Variants in CADM2 observed in about 807,000 individuals in gnomAD.
The protein encoded by CADM2 is immunoglobulin superfamily member 4D.
A neutral mutation model predicts 49.8 loss-of-function variants in CADM2; 12 were observed. That is an observed-to-expected ratio of 0.24 (90% CI 0.15 to 0.39). The LOEUF is 0.39. Ranked by LOEUF, CADM2 falls within the 10% of genes least tolerant of loss-of-function variation. CADM2 has a pLI of 1.00. For synonymous variants in CADM2, 214 were observed against 175.4 expected, an observed-to-expected ratio of 1.22 and a Z score of -1.74; for missense variants, 378 against 492.3, an observed-to-expected ratio of 0.77 and a Z score of 2.20.
At chr3:85,890,507 C>T (rs1247521621) in intron 5 of CADM2, among the ~76,000 whole-genome samples, 6 of 152,014 alleles carry the variant, frequency 3.9e-5, no homozygotes, top group Admixed American at 1.3e-4. Context: ...TTTTACAGAA[C>T]TATGTTTTAG....
chr3:85,517,068 G>A (rs962841629), intron 1 of CADM2, among the ~76,000 whole-genome samples: 2 of 151,342 alleles, frequency 1.3e-5, no homozygotes, highest in South Asian at 2.1e-4. Context: ...CACCACTCTG[G>A]TTATTTTAAG....
At chr3:85,762,625 C>CTCTCTCTGTA (rs2069451074) in intron 2 of CADM2, among the ~76,000 whole-genome samples, 1 of 135,272 alleles carries the variant, frequency 7.4e-6, no homozygotes, top group African/African-American at 3.3e-5. Flanking sequence ...CTCTCTCTGT[C>CTCTCTCTGTA]TCTGTTATTT....
chr3:85,895,385 C>A (rs1030053531), intron 5 of CADM2, among the ~76,000 whole-genome samples: 7 of 152,168 alleles, frequency 4.6e-5, no homozygotes, highest in African/African-American at 1.2e-4. Context: ...GCCAATTTCT[C>A]CCATTTGGAA....
rs969673950 is a variant in CADM2 at position 85,528,084 on chromosome 3, G to T, written c.62-198438G>T. Among the ~76,000 whole-genome samples, 3 of 152,258 alleles carry T rather than the reference G, an allele frequency of 2.0e-5. No homozygotes were observed. The East Asian group carries it at 5.8e-4, about 29-fold the overall frequency. On this transcript the variant is annotated intron_variant, in intron 1 of 9. Coordinates refer to ENST00000383699, the MANE Select transcript of CADM2 (RefSeq NM_001167675.2). ...CTTTTGCCACCATCTCGCAAGCACAGAAATCACCTTTCAAGTTTATACATT... is the reference window on the plus strand; with the variant it reads ...CTTTTGCCACCATCTCGCAAGCACATAAATCACCTTTCAAGTTTATACATT...
chr3:85,890,137 G>A (rs929203666), intron 5 of CADM2, among the ~76,000 whole-genome samples: 1 of 152,004 alleles, frequency 6.6e-6, no homozygotes, highest in Non-Finnish European at 1.5e-5. Flanking sequence ...TTCCAAAAAG[G>A]GTTTGGAGGA....
chr3:85,946,250 C>T (rs772043011), intron 7 of CADM2, among the ~76,000 whole-genome samples: 1 of 151,480 alleles, frequency 6.6e-6, no homozygotes, highest in Non-Finnish European at 1.5e-5. Flanking sequence ...TCAAGGAGAA[C>T]TACAAACCAC....
rs77289270 is a variant in CADM2, at chr3:85,026,778, C to T, written c.61+67110C>T. Reference sequence around the variant, plus strand: ...AGAACTGCAAACACTTTTTAGAAAGCGTTGTTTCTTACATTAGGTTAAAAT... The same window carrying T: ...AGAACTGCAAACACTTTTTAGAAAGTGTTGTTTCTTACATTAGGTTAAAAT... On this transcript the variant is annotated intron_variant, in intron 1 of 9. Transcript: ENST00000383699. Among the ~76,000 whole-genome samples the T allele has an allele frequency of 4.7e-3, 710 of 152,182 alleles. 5 individuals are homozygous for T. Among genetic ancestry groups the T allele is most frequent in the African/African-American group, 0.016 (683 of 41,520 alleles).
At chr3:85,042,691 T>G (rs1442802178) in intron 1 of CADM2, among the ~76,000 whole-genome samples, 1 of 152,204 alleles carries the variant, frequency 6.6e-6, no homozygotes, top group Non-Finnish European at 1.5e-5. Flanking sequence ...ATAGCTTAAA[T>G]GCCAACTAGT....
chr3:85,910,712 G>A (rs1717467192), intron 5 of CADM2, among the ~76,000 whole-genome samples: 1 of 151,998 alleles, frequency 6.6e-6, no homozygotes, highest in African/African-American at 2.4e-5. Flanking sequence ...CTTCAGAATT[G>A]CCTAACATAC....
intron 5 of CADM2, among the ~76,000 whole-genome samples, chr3:85,895,019 C>A (rs549876856): frequency 6.6e-6 from 1 of 152,190 alleles, no homozygotes; most frequent in Non-Finnish European, 1.5e-5. Context: ...CAGAGAGTCC[C>A]GACTGAGGCA....
At chr3:85,754,277 C>T (rs2068997474) in intron 2 of CADM2, among the ~76,000 whole-genome samples, 1 of 152,168 alleles carries the variant, frequency 6.6e-6, no homozygotes, top group African/African-American at 2.4e-5. Flanking sequence ...GGGAGACTGC[C>T]ATTCCCTGAC....
intron 7 of CADM2, among the ~76,000 whole-genome samples, chr3:85,944,570 G>C (rs7428746): frequency 0.091 from 13,874 of 151,900 alleles, 801 homozygotes; most frequent in Non-Finnish European, 0.13. Flanking sequence ...ATAACAAACT[G>C]TCTGTCAGAC....
chr3:85,893,960 C>T (rs2108427108), intron 5 of CADM2, among the ~76,000 whole-genome samples: 1 of 152,284 alleles, frequency 6.6e-6, no homozygotes, highest in Middle Eastern at 3.4e-3. Context: ...GGATCTAGAA[C>T]TGGAAATACC....
chr3:86,012,354 C>T (rs557816973), intron 8 of CADM2, among the ~76,000 whole-genome samples: 3 of 152,328 alleles, frequency 2.0e-5, no homozygotes, highest in African/African-American at 7.2e-5. Flanking sequence ...AATTCTAATT[C>T]ATGCTCTTGT....
At chr3:85,860,644 T>G (rs1298623712) in intron 3 of CADM2, among the ~76,000 whole-genome samples, 5 of 151,540 alleles carry the variant, frequency 3.3e-5, no homozygotes, top group African/African-American at 9.7e-5. Context: ...GAGAACAGAG[T>G]TTTTTAGGGT....
Position 85,280,878 on chromosome 3 carries a change from G to C in CADM2, c.61+321210G>C, listed in dbSNP as rs117766102. Among the ~76,000 whole-genome samples the C allele has an allele frequency of 1.2e-3, 176 of 151,738 alleles. 3 individuals are homozygous for C. In the East Asian group the frequency reaches 0.024, roughly 21 times the overall value. On this transcript the variant is annotated intron_variant, in intron 1 of 9. Transcript: ENST00000383699. ...TGCTGAAACAAAGATATACTTTAAGGAAAGAATTTGAAAATGCACTCCATA... is the reference window on the plus strand; with the variant it reads ...TGCTGAAACAAAGATATACTTTAAGCAAAGAATTTGAAAATGCACTCCATA...
rs1286413564 is a variant in CADM2 at position 85,579,056 on chromosome 3, A to G, written c.62-147466A>G. Among the ~76,000 whole-genome samples, 3 of 152,316 alleles carry G rather than the reference A, an allele frequency of 2.0e-5. No homozygotes were observed. The East Asian group carries it at 5.8e-4, about 29-fold the overall frequency. On this transcript the variant is annotated intron_variant, in intron 1 of 9. Coordinates refer to ENST00000383699, the MANE Select transcript of CADM2 (RefSeq NM_001167675.2). Reference sequence around the variant, plus strand: ...TCAAATTGTGTTTTATCTTCTCCTTAAAAATAAATGAGTAAATAAATAAAT... The same window carrying G: ...TCAAATTGTGTTTTATCTTCTCCTTGAAAATAAATGAGTAAATAAATAAAT...
In CADM2 at chr3:85,664,296, C is replaced by T. The variant is rs964566399; in HGVS notation, c.62-62226C>T. On this transcript the variant is annotated intron_variant, in intron 1 of 9. Coordinates refer to ENST00000383699, the MANE Select transcript of CADM2 (RefSeq NM_001167675.2). ...TGAACTTCAGACACATATATTCAAC[C>T]AGCAACCACAAGTTCTATAGCTACA... 2.0e-5 allele frequency among the ~76,000 whole-genome samples: 3 copies of T among 151,894 alleles called. No individual in the cohort carries two copies. The East Asian group carries it at 5.8e-4, about 29-fold the overall frequency.
chr3:85,803,070 A>G (rs2072155214), intron 3 of CADM2, among the ~76,000 whole-genome samples: 1 of 152,146 alleles, frequency 6.6e-6, no homozygotes, highest in African/African-American at 2.4e-5. Flanking sequence ...AACAATTAAA[A>G]TATCACATAC....
Sources: allele counts gnomAD v4.1 joint callset (sites outside exome capture counted in the v4.1 genomes callset), GRCh38; gene constraint gnomAD v4.1.1; transcripts MANE v1.5; gene names NCBI Gene and HGNC (gene_info 2026-07-23, HGNC 2026-07-21).